Variants in NR3C1 observed in about 807,000 individuals in gnomAD.
The protein encoded by NR3C1 is glucocorticoid receptor.
A neutral mutation model predicts 74.0 loss-of-function variants in NR3C1; 14 were observed. That is an observed-to-expected ratio of 0.19 (90% CI 0.12 to 0.30). The LOEUF (loss-of-function observed/expected upper bound fraction) is 0.30, where lower values mean the gene tolerates loss of function less well. NR3C1 is among the 10% of genes least tolerant of loss of function. The pLI is 1.00. For synonymous variants in NR3C1, 308 were observed against 332.5 expected (o/e 0.93, Z 0.80); for missense variants, 695 against 909.8 (o/e 0.76, Z 3.04).
At chr5:143,332,429 AT>A (rs1826176099) in intron 2 of NR3C1, among the ~76,000 whole-genome samples, 1 of 151,520 alleles carries the variant, frequency 6.6e-6, no homozygotes, top group South Asian at 2.1e-4. Context: ...GCGGGACAGC[AT>A]TAGGAAAAAT....
At chr5:143,428,161 A>G (rs1751631802) in intron 1 of NR3C1, among the ~76,000 whole-genome samples, 1 of 152,240 alleles carries the variant, frequency 6.6e-6, no homozygotes, top group Admixed American at 6.5e-5. Context: ...GATCCTGCCA[A>G]GCCAAGGTCA....
intron 1 of NR3C1, among the ~76,000 whole-genome samples, chr5:143,428,702 A>G (rs961970509): frequency 6.6e-6 from 1 of 152,214 alleles, no homozygotes; most frequent in Non-Finnish European, 1.5e-5. Flanking sequence ...GTATGGTAAC[A>G]TTTAACTGTA....
At chr5:143,351,757 C>A (rs1039568443) in intron 2 of NR3C1, among the ~76,000 whole-genome samples, 2 of 152,110 alleles carry the variant, frequency 1.3e-5, no homozygotes, top group Non-Finnish European at 2.9e-5. Flanking sequence ...AAAGATATAA[C>A]TTTCTTTATA....
At chr5:143,295,365 G>C (rs925466759) in intron 7 of NR3C1, 95 bp downstream of exon 7, 2 of 1,509,336 alleles carry the variant, frequency 1.3e-6, no homozygotes, top group South Asian at 2.5e-5. Context: ...AGTAGACTTG[G>C]TATAATTATT....
intron 2 of NR3C1, among the ~76,000 whole-genome samples, chr5:143,397,685 G>T (rs1053860365): frequency 6.6e-6 from 1 of 151,772 alleles, no homozygotes; most frequent in East Asian, 1.9e-4. Flanking sequence ...AATTTCATTT[G>T]ATATTAAAGA....
intron 2 of NR3C1, among the ~76,000 whole-genome samples, chr5:143,346,266 C>T (rs922770297): frequency 3.3e-5 from 5 of 152,318 alleles, no homozygotes; most frequent in Admixed American, 3.3e-4. Flanking sequence ...TCTTCTCCTC[C>T]TTCGTAACAG....
intron 2 of NR3C1, chr5:143,389,995 A>G: frequency 1.1e-6 from 1 of 871,394 alleles, no homozygotes; most frequent in Non-Finnish European, 1.4e-6. Flanking sequence ...ACAATTCTAA[A>G]AAATCTAAAG....
intron 2 of NR3C1, among the ~76,000 whole-genome samples, chr5:143,323,675 C>T (rs984300884): frequency 2.0e-5 from 3 of 152,150 alleles, no homozygotes; most frequent in African/African-American, 4.8e-5. Context: ...CAGAAGTCCA[C>T]AGTCCAAAGT....
chr5:143,359,032 A>ATCT (rs1561663640), intron 2 of NR3C1, among the ~76,000 whole-genome samples: 4 of 152,234 alleles, frequency 2.6e-5, no homozygotes, highest in Non-Finnish European at 4.4e-5. Flanking sequence ...GCAATCAGTA[A>ATCT]GATCAATGAA....
At chr5:143,375,030 G>T (rs1834923492) in intron 2 of NR3C1, among the ~76,000 whole-genome samples, 1 of 152,122 alleles carries the variant, frequency 6.6e-6, no homozygotes, top group African/African-American at 2.4e-5. Context: ...ACATCACCTT[G>T]CCAGACTCTA....
At chr5:143,423,181 C>T (rs1475552963) in intron 1 of NR3C1, among the ~76,000 whole-genome samples, 1 of 152,076 alleles carries the variant, frequency 6.6e-6, no homozygotes, top group Non-Finnish European at 1.5e-5. Context: ...AAACCATCAA[C>T]AAAGTGAAGA....
chr5:143,424,759 T>C (rs1404529900), intron 1 of NR3C1, among the ~76,000 whole-genome samples: 1 of 152,164 alleles, frequency 6.6e-6, no homozygotes, highest in African/African-American at 2.4e-5. Flanking sequence ...GAAATGAACA[T>C]GGCATTGAGT....
chr5:143,295,397 C>G (rs1816958838), intron 7 of NR3C1, 63 bp downstream of exon 7: 3 of 1,595,510 alleles, frequency 1.9e-6, no homozygotes, highest in Non-Finnish European at 2.6e-6. Flanking sequence ...TATAAATTAA[C>G]CTTTGTTTCT....
chr5:143,410,035 A>G (rs759202882), intron 1 of NR3C1, among the ~76,000 whole-genome samples: 1 of 152,254 alleles, frequency 6.6e-6, no homozygotes, highest in Non-Finnish European at 1.5e-5. Context: ...TAAATGAGAT[A>G]AATGTTGCCA....
Position 143,279,220 on chromosome 5 carries a change from C to A in NR3C1, c.*2669G>T. ...TTTTCCCCCACGTATCCTAAAAGGG[C>A]ACAGCTTCTTTTCCCATTTAATGAA... On this transcript the variant is annotated 3_prime_UTR_variant, in exon 9 of 9. Coordinates refer to ENST00000394464, the MANE Select transcript of NR3C1 (RefSeq NM_000176.3). 1 of 902,864 alleles carries A rather than the reference C, an allele frequency of 1.1e-6. No individual in the cohort carries two copies. Among genetic ancestry groups the A allele is most frequent in the Non-Finnish European group, 1.6e-6 (1 of 615,152 alleles). 55.9% of individuals were successfully genotyped at this position (902,864 alleles called of 1,614,324 possible).
intron 2 of NR3C1, among the ~76,000 whole-genome samples, chr5:143,330,431 A>G (rs1010395851): frequency 1.3e-5 from 2 of 152,244 alleles, no homozygotes; most frequent in African/African-American, 4.8e-5. Flanking sequence ...CGTCAGATTT[A>G]CAAGTGAAAT....
chr5:143,400,874 C>A (rs753633852), intron 1 of NR3C1, 22 bp from the exon 2 acceptor site: 2 of 1,565,784 alleles, frequency 1.3e-6, no homozygotes, highest in African/African-American at 2.7e-5. Flanking sequence ...AAAACAAAAA[C>A]GGGGGGAAAA....
At chr5:143,375,339 T>C (rs72801083) in intron 2 of NR3C1, among the ~76,000 whole-genome samples, 19,697 of 152,170 alleles carry the variant, frequency 0.13, 1,481 homozygotes, top group Middle Eastern at 0.3. Flanking sequence ...AAAATATATG[T>C]ACACTCGTAC....
chr5:143,285,825 T>C (rs1302796773), intron 7 of NR3C1, among the ~76,000 whole-genome samples: 1 of 152,036 alleles, frequency 6.6e-6, no homozygotes, highest in African/African-American at 2.4e-5. Flanking sequence ...TAATTATATA[T>C]GCTTCTACCC....
Sources: gnomAD v4.1 joint callset for allele counts (sites outside exome capture counted in the v4.1 genomes callset) on GRCh38, gnomAD v4.1.1 for gene constraint, MANE v1.5 for transcripts, NCBI Gene and HGNC (gene_info 2026-07-23, HGNC 2026-07-21) for gene names.